MORC3: variants seen among roughly 807,000 people sequenced by gnomAD.
MORC3 encodes MORC family CW-type zinc finger 3, also known as MORC family CW-type zinc finger protein 3.
MORC3 carries 31 observed loss-of-function variants against 109.1 expected under a neutral mutation model. The observed-to-expected ratio is 0.28, with a 90% CI of 0.21 to 0.38. The LOEUF (loss-of-function observed/expected upper bound fraction) is 0.38. Ranked by LOEUF, MORC3 falls within the 10% of genes least tolerant of loss-of-function variation. MORC3 has a pLI of 1.00. For synonymous variants in MORC3, 395 were observed against 380.7 expected (o/e 1.04, Z -0.44); for missense variants, 867 against 1,135.8 (o/e 0.76, Z 3.40).
intron 1 of MORC3, among the ~76,000 whole-genome samples, chr21:36,332,370 A>T (rs1265253448): frequency 6.6e-6 from 1 of 152,144 alleles, no homozygotes; most frequent in Non-Finnish European, 1.5e-5. Flanking sequence ...CAGGAGGCGG[A>T]GGTTGCAGTC....
chr21:36,332,498 G>A lies in MORC3; in HGVS notation c.40-1148G>A, dbSNP rs534745887. On this transcript the variant is annotated intron_variant, in intron 1 of 16. Transcript: ENST00000400485. ...TTCTAAGCACTCTGGCCTGCAACGT[G>A]ATCAGGCAATATTTATGGACAAAAC... Among the ~76,000 whole-genome samples the A allele has an allele frequency of 4.6e-5, 7 of 152,260 alleles. 1 individual carries two copies. In the East Asian group the frequency reaches 1.4e-3, roughly 29 times the overall value.
intron 6 of MORC3, among the ~76,000 whole-genome samples, chr21:36,343,787 C>T (rs1488727527): frequency 2.0e-5 from 3 of 151,986 alleles, no homozygotes; most frequent in Non-Finnish European, 4.4e-5. Context: ...ATTCTTTAAT[C>T]CCAAGCTGTG....
intron 1 of MORC3, among the ~76,000 whole-genome samples, chr21:36,331,457 G>A (rs2085314305): frequency 6.6e-6 from 1 of 152,082 alleles, no homozygotes; most frequent in South Asian, 2.1e-4. Flanking sequence ...AATTAGCTGG[G>A]CATGGTGGTG....
At chr21:36,334,683 T>C (rs919917716) in intron 2 of MORC3, among the ~76,000 whole-genome samples, 2 of 152,202 alleles carry the variant, frequency 1.3e-5, no homozygotes, top group African/African-American at 4.8e-5. Context: ...GGATTGGTAT[T>C]GTGTTAGATA....
intron 16 of MORC3, among the ~76,000 whole-genome samples, chr21:36,372,733 A>G (rs970021403): frequency 1.5e-4 from 23 of 152,186 alleles, no homozygotes; most frequent in African/African-American, 4.6e-4. Context: ...TTTAGGTTCT[A>G]TTTAAGTGGA....
chr21:36,333,009 G>C (rs569864535), intron 1 of MORC3, among the ~76,000 whole-genome samples: 2 of 151,944 alleles, frequency 1.3e-5, no homozygotes, highest in Non-Finnish European at 2.9e-5. Context: ...GGATGGTCTC[G>C]ATCTCCTGAC....
At chr21:36,325,178 T>G (rs2085235505) in intron 1 of MORC3, among the ~76,000 whole-genome samples, 1 of 152,200 alleles carries the variant, frequency 6.6e-6, no homozygotes, top group South Asian at 2.1e-4. Flanking sequence ...TGGGAACTGT[T>G]GGACCATAAG....
At chr21:36,355,013 G>C (rs1175249907) in intron 9 of MORC3, among the ~76,000 whole-genome samples, 6 of 152,188 alleles carry the variant, frequency 3.9e-5, no homozygotes, top group African/African-American at 1.4e-4. Flanking sequence ...CACAACATGT[G>C]GACATAGCAG....
At chr21:36,320,454 C>T (rs2085177951) in intron 1 of MORC3, 151 bp downstream of exon 1, 1 of 699,836 alleles carries the variant, frequency 1.4e-6, no homozygotes, top group Non-Finnish European at 2.0e-6. Context: ...CATCTCGCTC[C>T]CGTCGGCGGA....
chr21:36,330,813 C>A (rs1374123329), intron 1 of MORC3, among the ~76,000 whole-genome samples: 4 of 152,098 alleles, frequency 2.6e-5, no homozygotes, highest in African/African-American at 7.2e-5. Context: ...TGATGGCTCA[C>A]TTTTGAAAAA....
chr21:36,327,979 T>A (rs987625061), intron 1 of MORC3, among the ~76,000 whole-genome samples: 3 of 151,698 alleles, frequency 2.0e-5, no homozygotes, highest in African/African-American at 7.3e-5. Flanking sequence ...TGGGTTCAAG[T>A]GATTGCCATG....
At chr21:36,367,282 GC>G (rs2085791997) in intron 14 of MORC3, among the ~76,000 whole-genome samples, 1 of 152,176 alleles carries the variant, frequency 6.6e-6, no homozygotes, top group African/African-American at 2.4e-5. Context: ...CAAGAGAGAA[GC>G]CCTAAATGAT....
chr21:36,364,784 G>A (rs1001929940), intron 14 of MORC3, among the ~76,000 whole-genome samples: 1 of 151,678 alleles, frequency 6.6e-6, no homozygotes, highest in Non-Finnish European at 1.5e-5. Flanking sequence ...GGGCGCGGTG[G>A]TTCACGCCTG....
At chr21:36,332,306 C>G (rs1029548594) in intron 1 of MORC3, among the ~76,000 whole-genome samples, 1 of 151,872 alleles carries the variant, frequency 6.6e-6, no homozygotes, top group Non-Finnish European at 1.5e-5. Context: ...TGTGGTGGTG[C>G]GCACCTGTAA....
At chr21:36,355,099 C>A (rs2085630874) in intron 9 of MORC3, among the ~76,000 whole-genome samples, 1 of 152,162 alleles carries the variant, frequency 6.6e-6, no homozygotes, top group East Asian at 1.9e-4. Flanking sequence ...TCTAGACTTT[C>A]ATGATGTTTT....
chr21:36,325,093 A>G (rs2085234835), intron 1 of MORC3, among the ~76,000 whole-genome samples: 1 of 152,170 alleles, frequency 6.6e-6, no homozygotes, highest in African/African-American at 2.4e-5. Flanking sequence ...GGTGGGCTTC[A>G]CTGTTGGGTG....
At chr21:36,345,614 G>A (rs967544552) in intron 8 of MORC3, among the ~76,000 whole-genome samples, 2 of 151,832 alleles carry the variant, frequency 1.3e-5, no homozygotes, top group Non-Finnish European at 2.9e-5. Context: ...TAGAGGTGAG[G>A]TTTCAGTGTG....
At chr21:36,353,755 A>ATATTTTTT (rs2085605190) in intron 9 of MORC3, among the ~76,000 whole-genome samples, 2 of 71,012 alleles carry the variant, frequency 2.8e-5, no homozygotes, top group Non-Finnish European at 4.6e-5. Context: ...TAATTTTTGT[A>ATATTTTTT]TTTTTTTTTT....
intron 9 of MORC3, among the ~76,000 whole-genome samples, chr21:36,350,209 A>G (rs973189251): frequency 1.3e-5 from 2 of 152,116 alleles, no homozygotes; most frequent in Non-Finnish European, 2.9e-5. Context: ...CAGGAGGCTG[A>G]GGCAGGAGGA....
Sources: allele counts gnomAD v4.1 joint callset (sites outside exome capture counted in the v4.1 genomes callset), GRCh38; gene constraint gnomAD v4.1.1; transcripts MANE v1.5; gene names NCBI Gene and HGNC (gene_info 2026-07-23, HGNC 2026-07-21).